Variants in NRXN3 observed in about 807,000 individuals in gnomAD.
The protein encoded by NRXN3 is neurexin 3.
Under a neutral mutation model 137.6 loss-of-function variants are expected in NRXN3, and 32 were observed. The ratio of observed to expected loss-of-function variants is 0.23; its 90% CI spans 0.18 to 0.31. The LOEUF is 0.31. Ranked by LOEUF, NRXN3 falls within the 10% of genes least tolerant of loss-of-function variation. The pLI is 1.00. For synonymous variants in NRXN3, 798 were observed against 784.5 expected (o/e 1.02, Z -0.29); for missense variants, 1,574 against 2,062.5 (o/e 0.76, Z 4.59).
intron 4 of NRXN3, among the ~76,000 whole-genome samples, chr14:78,605,649 T>A (rs936159014): frequency 3.9e-5 from 6 of 152,186 alleles, no homozygotes; most frequent in Non-Finnish European, 5.9e-5. Context: ...TTTACTCATT[T>A]TACAGTCTTT....
At chr14:78,193,955 T>C (rs1420949178) in intron 1 of NRXN3, among the ~76,000 whole-genome samples, 1 of 152,116 alleles carries the variant, frequency 6.6e-6, no homozygotes, top group African/African-American at 2.4e-5. Flanking sequence ...GGTATCATAG[T>C]GCCCATCCTC....
chr14:78,184,454 T>TGCAGGGCTTCTCTCTCTTTG (rs1354517385), intron 1 of NRXN3, among the ~76,000 whole-genome samples: 2 of 152,238 alleles, frequency 1.3e-5, no homozygotes, highest in African/African-American at 2.4e-5. Flanking sequence ...AAGGAAACAC[T>TGCAGGGCTTCTCTCTCTTTG]GCAGGGCTTC....
At position 78,972,119 on chromosome 14, in the gene NRXN3, A is replaced by AG. The variant is rs1397382620; in HGVS notation, c.3142+3773_3142+3774insG. On this transcript the variant is annotated intron_variant, in intron 14 of 20. Transcript: ENST00000335750. ...AATTTAAGCTAGGGTTTTAAAAAAAATCATACCTGATTTAATATGTGGCTG... is the reference window on the plus strand; with the variant it reads ...AATTTAAGCTAGGGTTTTAAAAAAAAGTCATACCTGATTTAATATGTGGCTG... Among the ~76,000 whole-genome samples the AG allele has an allele frequency of 3.3e-5, 5 of 152,296 alleles. No homozygotes were observed. The East Asian group carries it at 9.7e-4, about 29-fold the overall frequency.
chr14:78,553,344 G>C (rs1396328818), intron 4 of NRXN3, among the ~76,000 whole-genome samples: 2 of 152,076 alleles, frequency 1.3e-5, no homozygotes, highest in African/African-American at 2.4e-5. Flanking sequence ...TGATTGTCTG[G>C]GCTTATTTTC....
At chr14:79,549,723 G>C (rs527499470) in intron 16 of NRXN3, among the ~76,000 whole-genome samples, 159 of 152,134 alleles carry the variant, frequency 1.0e-3, no homozygotes, top group Non-Finnish European at 2.0e-3. Flanking sequence ...ATTTACTGTT[G>C]CCTTCAAAAA....
chr14:79,142,057 G>A (rs1274211159), intron 15 of NRXN3, among the ~76,000 whole-genome samples: 1 of 152,098 alleles, frequency 6.6e-6, no homozygotes, highest in Non-Finnish European at 1.5e-5. Context: ...GATTCTTTTG[G>A]GGGGTTCACG....
At chr14:78,589,860 T>G (rs969483151) in intron 4 of NRXN3, among the ~76,000 whole-genome samples, 8 of 152,118 alleles carry the variant, frequency 5.3e-5, no homozygotes, top group African/African-American at 1.9e-4. Context: ...AAATTTGATT[T>G]AAGTTTCAAA....
chr14:79,002,831 C>A (rs953116072), intron 15 of NRXN3, among the ~76,000 whole-genome samples: 2 of 152,150 alleles, frequency 1.3e-5, no homozygotes, highest in African/African-American at 4.8e-5. Flanking sequence ...TACATTCCCA[C>A]CAACAGTGTA....
intron 15 of NRXN3, among the ~76,000 whole-genome samples, chr14:79,105,290 C>T (rs764019152): frequency 1.2e-4 from 19 of 152,192 alleles, no homozygotes; most frequent in Non-Finnish European, 2.4e-4. Flanking sequence ...TACAAACCAT[C>T]TCAAGCCAAA....
At position 79,370,020 on chromosome 14, in the gene NRXN3, A is replaced by G. The variant is rs75446704; in HGVS notation, c.3263-97201A>G. Among the ~76,000 whole-genome samples, 47 of 152,294 alleles carry G rather than the reference A, an allele frequency of 3.1e-4. No homozygotes were observed. In the East Asian group the frequency reaches 7.4e-3, roughly 24 times the overall value. ...TTCTTGGGCGCATTGACCTTCACAT[A>G]TTGTTTGGTTAATTTACCTAACTTG... On this transcript the variant is annotated intron_variant, in intron 15 of 20. Coordinates refer to ENST00000335750, the MANE Select transcript of NRXN3 (RefSeq NM_001330195.2).
intron 9 of NRXN3, among the ~76,000 whole-genome samples, chr14:78,806,172 C>A (rs1215467493): frequency 6.6e-6 from 1 of 151,496 alleles, no homozygotes; most frequent in East Asian, 2.0e-4. Flanking sequence ...TGTCCAGAAG[C>A]CATAGTTAAT....
intron 4 of NRXN3, among the ~76,000 whole-genome samples, chr14:78,492,422 A>C (rs1599406233): frequency 2.0e-5 from 3 of 152,238 alleles, no homozygotes; most frequent in Non-Finnish European, 4.4e-5. Context: ...AAAATTAAAT[A>C]AGATCGTGCA....
intron 16 of NRXN3, among the ~76,000 whole-genome samples, chr14:79,545,756 C>T (rs1314289421): frequency 6.6e-6 from 1 of 151,740 alleles, no homozygotes; most frequent in Non-Finnish European, 1.5e-5. Flanking sequence ...CACTACTAAA[C>T]TACCTTTCTG....
At chr14:78,806,829 CCTTAT>C (rs770478957) in intron 9 of NRXN3, among the ~76,000 whole-genome samples, 174 of 152,228 alleles carry the variant, frequency 1.1e-3, no homozygotes, top group Non-Finnish European at 1.7e-3. Flanking sequence ...ATTTAAAAGA[CCTTAT>C]CTTATTTTAA....
intron 4 of NRXN3, among the ~76,000 whole-genome samples, chr14:78,352,547 G>A (rs2083684133): frequency 6.6e-6 from 1 of 152,138 alleles, no homozygotes; most frequent in Admixed American, 6.6e-5. Context: ...TCCTGGCTGG[G>A]CTGTTTATTG....
intron 4 of NRXN3, among the ~76,000 whole-genome samples, chr14:78,638,289 T>C (rs1225341684): frequency 6.6e-6 from 1 of 152,072 alleles, no homozygotes; most frequent in East Asian, 1.9e-4. Flanking sequence ...TAGTGCAGGA[T>C]TGCTCAGGGC....
In NRXN3 at chr14:79,402,315, C is replaced by T. The variant is rs181944615; in HGVS notation, c.3263-64906C>T. ...AATACTAACTATACAACATGTACTA[C>T]GCTAGATGATTTTTTAACTTAAAAA... On this transcript the variant is annotated intron_variant, in intron 15 of 20. Coordinates refer to ENST00000335750, the MANE Select transcript of NRXN3 (RefSeq NM_001330195.2). 1.1e-3 allele frequency among the ~76,000 whole-genome samples: 170 copies of T among 152,298 alleles called. 1 individual carries two copies. Among genetic ancestry groups the T allele is most frequent in the African/African-American group, 3.6e-3 (149 of 41,572 alleles).
chr14:79,520,847 A>C (rs1309896778), intron 16 of NRXN3, among the ~76,000 whole-genome samples: 2 of 152,190 alleles, frequency 1.3e-5, no homozygotes, highest in Non-Finnish European at 2.9e-5. Flanking sequence ...ACCATTGTGG[A>C]AAACAGTGTG....
chr14:78,863,177 C>T lies in NRXN3; in HGVS notation c.2275+52833C>T, dbSNP rs191432128. On this transcript the variant is annotated intron_variant, in intron 10 of 20. Transcript: ENST00000335750. Reference sequence around the variant, plus strand: ...AAGTCAGGCTACAATACAACATCCTCAATCTGACAAGAAAATCAACTGATT... The same window carrying T: ...AAGTCAGGCTACAATACAACATCCTTAATCTGACAAGAAAATCAACTGATT... Among the ~76,000 whole-genome samples, 270 of 152,222 alleles carry T rather than the reference C, an allele frequency of 1.8e-3. 1 individual carries two copies. The highest frequency in any genetic ancestry group is 3.0e-3 in the Non-Finnish European group (203 of 68,004).
Sources: gnomAD v4.1 joint callset for allele counts (sites outside exome capture counted in the v4.1 genomes callset) on GRCh38, gnomAD v4.1.1 for gene constraint, MANE v1.5 for transcripts, NCBI Gene and HGNC (gene_info 2026-07-23, HGNC 2026-07-21) for gene names.